Variants in THRB observed in about 807,000 individuals in gnomAD.
THRB encodes thyroid hormone receptor beta, also known as nuclear receptor subfamily 1 group A member 2.
In THRB, 12 loss-of-function variants were observed where a neutral mutation model predicts 47.8. That is an observed-to-expected ratio of 0.25 (90% CI 0.16 to 0.41). THRB has a LOEUF of 0.41. Ranked by LOEUF, THRB falls within the 10% of genes least tolerant of loss-of-function variation. The pLI is 1.00. For missense variants in THRB, 348 were observed against 589.2 expected, an observed-to-expected ratio of 0.59 and a Z score of 4.24; for synonymous variants, 218 against 212.2, an observed-to-expected ratio of 1.03 and a Z score of -0.24.
At chr3:24,244,780 G>A (rs1367793176) in intron 3 of THRB, among the ~76,000 whole-genome samples, 3 of 152,232 alleles carry the variant, frequency 2.0e-5, no homozygotes, top group Non-Finnish European at 4.4e-5. Context: ...TCTTCCTCCC[G>A]AGAACTCACT....
chr3:24,347,474 T>C (rs2063093522), intron 1 of THRB, among the ~76,000 whole-genome samples: 3 of 151,500 alleles, frequency 2.0e-5, no homozygotes, highest in African/African-American at 7.3e-5. Context: ...ACTGGTTCTT[T>C]GAAAATACTA....
At chr3:24,156,762 C>T (rs1313987480) in intron 5 of THRB, among the ~76,000 whole-genome samples, 1 of 152,144 alleles carries the variant, frequency 6.6e-6, no homozygotes, top group Admixed American at 6.5e-5. Context: ...CATGCTTAGT[C>T]ACTCTTCTGA....
intron 3 of THRB, among the ~76,000 whole-genome samples, chr3:24,242,232 A>T (rs1267507833): frequency 2.6e-5 from 4 of 152,186 alleles, no homozygotes; most frequent in African/African-American, 9.6e-5. Flanking sequence ...CAAAAACAAG[A>T]TGGCATGTTT....
rs147286116 is a variant in THRB at position 24,464,012 on chromosome 3, C to T, written c.-261+30640G>A. On this transcript the variant is annotated intron_variant, in intron 1 of 10. Coordinates refer to ENST00000646209, the MANE Select transcript of THRB (RefSeq NM_001354712.2). Reference sequence around the variant, plus strand: ...CTGTAATCCCAGCACTTTGGGAGGCCGAGGTGGGCGGATCACGAGGTCAGG... The same window carrying T: ...CTGTAATCCCAGCACTTTGGGAGGCTGAGGTGGGCGGATCACGAGGTCAGG... Among the ~76,000 whole-genome samples, 371 of 152,128 alleles carry T rather than the reference C, an allele frequency of 2.4e-3. 1 individual carries two copies. The highest frequency in any genetic ancestry group is 8.0e-3 in the African/African-American group (333 of 41,518).
intron 5 of THRB, among the ~76,000 whole-genome samples, chr3:24,173,675 C>G (rs192552154): frequency 1.3e-5 from 2 of 152,210 alleles, no homozygotes; most frequent in African/African-American, 4.8e-5. Context: ...TATCCCTGGA[C>G]AGTTCTTTTC....
chr3:24,149,273 A>G (rs1048176174), intron 6 of THRB, among the ~76,000 whole-genome samples: 1 of 152,178 alleles, frequency 6.6e-6, no homozygotes, highest in Non-Finnish European at 1.5e-5. Context: ...TCCTAGAGGT[A>G]GAAATACCAA....
Position 24,190,237 on chromosome 3 carries a change from C to T in THRB, c.120G>A (p.Lys40=), listed in dbSNP as rs1441673077. 3.1e-6 allele frequency: 5 copies of T among 1,613,984 alleles called. No individual in the cohort carries two copies. The highest frequency in any genetic ancestry group is 1.6e-4 in the Middle Eastern group (1 of 6,084). Residue 40 remains lysine, a synonymous_variant, in exon 5 of 11, where the codon AAG becomes AAA. Coordinates refer to ENST00000646209, the MANE Select transcript of THRB (RefSeq NM_001354712.2). ...ACGTGCTGCGCCTCTCTGAATGGCT[C>T]TTCCTATGTAGGCAGGCTTCAGACA... is the stretch of plus-strand genomic sequence containing the variant. ...VGMSEACLHR[K]SHSERRSTLK... is the part of the protein sequence containing the mutation.
Position 24,143,717 on chromosome 3 carries a change from G to C in THRB, c.533-11C>G. ...TGTCATCCAGCACCACTGGGAGGGG[G>C]AGAAAGATGAGACAAGGCACACAGA... On this transcript the variant is annotated splice_polypyrimidine_tract_variant and intron_variant, in intron 7 of 10. Coordinates refer to ENST00000646209, the MANE Select transcript of THRB (RefSeq NM_001354712.2). 1 of 1,613,846 alleles carries C rather than the reference G, an allele frequency of 6.2e-7. No homozygotes were observed. The highest frequency in any genetic ancestry group is 8.5e-7 in the Non-Finnish European group (1 of 1,179,856).
intron 5 of THRB, among the ~76,000 whole-genome samples, chr3:24,176,392 G>C (rs2041156131): frequency 6.6e-6 from 1 of 152,214 alleles, no homozygotes; most frequent in South Asian, 2.1e-4. Flanking sequence ...CTTTATCCCA[G>C]AATAGCATGT....
intron 1 of THRB, among the ~76,000 whole-genome samples, chr3:24,407,927 C>A (rs571974199): frequency 4.0e-5 from 6 of 151,696 alleles, no homozygotes; most frequent in African/African-American, 9.7e-5. Flanking sequence ...TAAAATATAT[C>A]GAAAATATTT....
chr3:24,152,621 G>A lies in THRB; in HGVS notation c.284-131C>T, dbSNP rs2037144903. 5 of 677,712 alleles carry A rather than the reference G, an allele frequency of 7.4e-6. No individual in the cohort carries two copies. The East Asian group carries it at 1.4e-4, about 19-fold the overall frequency. The allele number at this position is 677,712 out of a possible 1,614,324, so 42.0% of individuals were successfully genotyped here. A position where few individuals can be genotyped will look rare whatever the true frequency, so the allele number is the denominator to read the frequency against. ...GAGGTAACAACAGTAAAGACTTAGTGAAACCAAACGGTAAGAATTTTATAC... is the reference window on the plus strand; with the variant it reads ...GAGGTAACAACAGTAAAGACTTAGTAAAACCAAACGGTAAGAATTTTATAC... On this transcript the variant is annotated intron_variant, in intron 5 of 10. Transcript: ENST00000646209.
At chr3:24,198,865 G>A (rs1420658631) in intron 4 of THRB, among the ~76,000 whole-genome samples, 1 of 152,134 alleles carries the variant, frequency 6.6e-6, no homozygotes, top group Non-Finnish European at 1.5e-5. Flanking sequence ...GGAGGCATGG[G>A]TCATAGCTGG....
At chr3:24,414,315 T>G (rs2068564760) in intron 1 of THRB, among the ~76,000 whole-genome samples, 1 of 151,924 alleles carries the variant, frequency 6.6e-6, no homozygotes, top group South Asian at 2.1e-4. Flanking sequence ...GCATGTCAAA[T>G]TTACTTGACA....
At chr3:24,301,785 T>C (rs1252437252) in intron 2 of THRB, among the ~76,000 whole-genome samples, 6 of 152,168 alleles carry the variant, frequency 3.9e-5, no homozygotes, top group Non-Finnish European at 8.8e-5. Flanking sequence ...AGGGTACAGA[T>C]TTTGAGATGG....
chr3:24,271,595 A>AC (rs2053337459), intron 3 of THRB, among the ~76,000 whole-genome samples: 1 of 151,898 alleles, frequency 6.6e-6, no homozygotes, highest in African/African-American at 2.4e-5. Context: ...AAGAAAATAC[A>AC]CCCCCCTGGG....
chr3:24,311,581 G>A (rs1027973432), intron 2 of THRB, among the ~76,000 whole-genome samples: 8 of 152,082 alleles, frequency 5.3e-5, no homozygotes, highest in African/African-American at 9.7e-5. Context: ...ACCTGAGTCC[G>A]TATCTTAGCA....
At chr3:24,343,824 T>C (rs2062836004) in intron 1 of THRB, among the ~76,000 whole-genome samples, 1 of 151,222 alleles carries the variant, frequency 6.6e-6, no homozygotes, top group Non-Finnish European at 1.5e-5. Context: ...ATTTATTGTA[T>C]TGACTGTTCT....
At chr3:24,132,058 G>T (rs1358083657) in intron 9 of THRB, among the ~76,000 whole-genome samples, 1 of 152,192 alleles carries the variant, frequency 6.6e-6, no homozygotes, top group Non-Finnish European at 1.5e-5. Context: ...AATGTCTGAG[G>T]TCTCTGTGTC....
At chr3:24,236,299 T>C (rs2048870912) in intron 3 of THRB, among the ~76,000 whole-genome samples, 1 of 152,174 alleles carries the variant, frequency 6.6e-6, no homozygotes, top group South Asian at 2.1e-4. Context: ...TTGGGGATCA[T>C]GGACAAGTTC....
Sources: gnomAD v4.1 joint callset for allele counts (sites outside exome capture counted in the v4.1 genomes callset) on GRCh38, gnomAD v4.1.1 for gene constraint, MANE v1.5 for transcripts, NCBI Gene and HGNC (gene_info 2026-07-23, HGNC 2026-07-21) for gene names.